ZFP14: variants seen among roughly 807,000 people sequenced by gnomAD.
ZFP14 encodes the protein ZFP14 zinc finger protein.
ZFP14 carries 22 observed loss-of-function variants against 54.5 expected under a neutral mutation model. The ratio of observed to expected loss-of-function variants is 0.40; its 90% CI spans 0.29 to 0.58. The LOEUF is 0.58. ZFP14 is among the 20% of genes least tolerant of loss of function. The pLI is 0.39. For synonymous variants in ZFP14, 159 were observed against 204.0 expected (o/e 0.78, Z 1.88); for missense variants, 470 against 637.8 (o/e 0.74, Z 2.83).
intron 4 of ZFP14, among the ~76,000 whole-genome samples, chr19:36,354,074 C>CAAAAAAAA (rs34807802): frequency 1.2e-5 from 1 of 85,830 alleles, no homozygotes. Flanking sequence ...GACCCTGTCT[C>CAAAAAAAA]AAAAAAAAAA....
Position 36,340,338 on chromosome 19 carries a change from A to T in ZFP14, c.1488T>A (p.Thr496=). 6.2e-7 allele frequency: 1 copy of T among 1,614,118 alleles called. No homozygotes were observed. The highest frequency in any genetic ancestry group is 8.5e-7 in the Non-Finnish European group (1 of 1,180,022). ...GKAFRLYSFL[T]QHQRIHTGEK... ...CACCAGTATGAATTCTCTGGTGTTG[A>T]GTAAGAAATGAATAAAGTCTAAAAG... is the stretch of plus-strand genomic sequence containing the variant. The change falls in exon 5 of 5, where the codon ACT becomes ACA. Residue 496 remains threonine, a synonymous_variant. Coordinates refer to ENST00000270001, the MANE Select transcript of ZFP14 (RefSeq NM_020917.3). The surrounding 1 kb of genome is among the most constrained non-coding windows in gnomAD (Gnocchi z 5.4).
At chr19:36,358,142 G>A (rs766535906) in intron 4 of ZFP14, among the ~76,000 whole-genome samples, 2 of 147,066 alleles carry the variant, frequency 1.4e-5, no homozygotes, top group Non-Finnish European at 3.0e-5. Flanking sequence ...ATGGAGTCTT[G>A]CTCTATCGTC....
At chr19:36,362,893 T>C in intron 2 of ZFP14, 1 of 256,776 alleles carries the variant, frequency 3.9e-6, no homozygotes, top group Non-Finnish European at 8.0e-6. Context: ...ACACTTTCTC[T>C]TTTATAACCA....
At position 36,367,885 on chromosome 19, in the gene ZFP14, T is replaced by C. The variant is rs767420598; in HGVS notation, c.8A>G (p.His3Arg). The change falls in exon 2 of 5, where the codon CAT (histidine) becomes CGT (arginine). Residue 3 changes from histidine (H) to arginine (R), a missense_variant and splice_region_variant. By Grantham distance (29) the His-to-Arg change is conservative. Transcript: ENST00000270001. MA[H>R]GSVTFRDVAI... ...AAGGACAGAGAAACATTAACTTACA[T>C]GGGCCATGGTTTTAGAACTGCAAAA... is the stretch of plus-strand genomic sequence containing the variant. 5.6e-6 allele frequency: 9 copies of C among 1,612,226 alleles called. No homozygotes were observed. The highest frequency in any genetic ancestry group is 2.2e-5 in the South Asian group (2 of 90,718).
At chr19:36,371,677 C>G (rs1172565360) in intron 1 of ZFP14, among the ~76,000 whole-genome samples, 3 of 152,002 alleles carry the variant, frequency 2.0e-5, no homozygotes, top group Non-Finnish European at 4.4e-5. Context: ...AAAGAAATAA[C>G]AGCAGGCACA....
chr19:36,375,101 T>C (rs2031939870), intron 1 of ZFP14, among the ~76,000 whole-genome samples: 1 of 152,216 alleles, frequency 6.6e-6, no homozygotes, highest in African/African-American at 2.4e-5. Context: ...TCCTTTCACA[T>C]CTTCCTGATA....
intron 1 of ZFP14, chr19:36,378,097 G>A (rs2031991709): frequency 6.6e-6 from 1 of 152,222 alleles, no homozygotes; most frequent in Non-Finnish European, 1.5e-5. Flanking sequence ...TAGAATGGAC[G>A]AGAGAGACGA....
At chr19:36,364,127 T>G (rs1380810021) in intron 2 of ZFP14, among the ~76,000 whole-genome samples, 1 of 152,244 alleles carries the variant, frequency 6.6e-6, no homozygotes, top group Admixed American at 6.5e-5. Context: ...AGGTATCTAT[T>G]TGCAGTCCTA....
Position 36,357,748 on chromosome 19 carries a change from G to GT in ZFP14, c.235+2686dup, listed in dbSNP as rs113818091. ...ATAAATCCTGAAGTTTTTGTTTTTT[G>GT]TTTTTTTTTTTGAGATAAGAGTCTC... On this transcript the variant is annotated intron_variant, in intron 4 of 4. Coordinates refer to ENST00000270001, the MANE Select transcript of ZFP14 (RefSeq NM_020917.3). Among the ~76,000 whole-genome samples the GT allele has an allele frequency of 3.2e-3, 458 of 142,220 alleles. 7 individuals are homozygous for GT. The East Asian group carries it at 0.05, about 16-fold the overall frequency. 93.3% of individuals were successfully genotyped at this position (142,220 alleles called of 152,430 possible).
At chr19:36,352,915 C>T (rs193057745) in intron 4 of ZFP14, among the ~76,000 whole-genome samples, 1,860 of 128,460 alleles carry the variant, frequency 0.014, 235 homozygotes, top group Non-Finnish European at 0.024. Flanking sequence ...CACTCCAGCC[C>T]GGGCGACAGA....
chr19:36,376,438 T>C (rs2031963250), intron 1 of ZFP14, among the ~76,000 whole-genome samples: 1 of 151,594 alleles, frequency 6.6e-6, no homozygotes, highest in African/African-American at 2.4e-5. Context: ...CCCAGCTACT[T>C]GGGAGGCTGA....
intron 4 of ZFP14, among the ~76,000 whole-genome samples, chr19:36,342,686 A>G (rs999340320): frequency 1.3e-5 from 2 of 152,194 alleles, no homozygotes; most frequent in African/African-American, 4.8e-5. Context: ...GGTGGGAGTA[A>G]GGTAAAGTGC....
chr19:36,364,994 C>CTTTTTTTTTTTTTTTTTTTTTT (rs398034482), intron 2 of ZFP14, among the ~76,000 whole-genome samples: 2 of 61,972 alleles, frequency 3.2e-5, no homozygotes, highest in Non-Finnish European at 5.8e-5. Flanking sequence ...TTTTCTTTTT[C>CTTTTTTTTTTTTTTTTTTTTTT]TTTTTTTTTT....
At chr19:36,358,049 T>G (rs111359773) in intron 4 of ZFP14, among the ~76,000 whole-genome samples, 1,974 of 117,920 alleles carry the variant, frequency 0.017, 37 homozygotes, top group East Asian at 0.06. Context: ...GGCTCTGATC[T>G]ATCTATCTAT....
intron 4 of ZFP14, among the ~76,000 whole-genome samples, chr19:36,346,857 A>G (rs1030367169): frequency 2.0e-5 from 3 of 152,222 alleles, no homozygotes; most frequent in Non-Finnish European, 2.9e-5. Flanking sequence ...ACAGCCTTGC[A>G]AGGTAGAGAT....
chr19:36,375,533 G>A (rs998242097), intron 1 of ZFP14, among the ~76,000 whole-genome samples: 8 of 150,630 alleles, frequency 5.3e-5, no homozygotes, highest in South Asian at 2.1e-4. Context: ...GATTACAGGC[G>A]CATGCCACCA....
rs551962094 is a variant in ZFP14 at position 36,360,671 on chromosome 19, G to A, written c.137-138C>T. 657 of 693,728 alleles carry A rather than the reference G, an allele frequency of 9.5e-4. 1 individual carries two copies. Among genetic ancestry groups the A allele is most frequent in the Middle Eastern group, 3.1e-3 (7 of 2,288 alleles). 43.0% of individuals were successfully genotyped at this position (693,728 alleles called of 1,614,324 possible). On this transcript the variant is annotated intron_variant, in intron 3 of 4. Transcript: ENST00000270001. ...AGCGAAGAATTGCAAGGGAGTTGAAGAATGCTCATATTAAGGTAACTTGAG... is the reference window on the plus strand; with the variant it reads ...AGCGAAGAATTGCAAGGGAGTTGAAAAATGCTCATATTAAGGTAACTTGAG...
intron 4 of ZFP14, among the ~76,000 whole-genome samples, chr19:36,346,880 T>C (rs2031426006): frequency 6.6e-6 from 1 of 152,252 alleles, no homozygotes; most frequent in East Asian, 1.9e-4. Context: ...CGTCTCTGTC[T>C]GGATCAATAG....
In ZFP14 at chr19:36,340,565, C is replaced by G. The variant is rs747819455; in HGVS notation, c.1261G>C (p.Glu421Gln). The G allele has an allele frequency of 6.2e-6, 10 of 1,614,042 alleles. No individual in the cohort carries two copies. In the Admixed American group the frequency reaches 6.7e-5, roughly 11 times the overall value. Residue 421 changes from glutamate to glutamine, a missense_variant, in exon 5 of 5, where the codon GAG becomes CAG. Physicochemically the swap from Glu to Gln is conservative, Grantham distance 29. Transcript: ENST00000270001. The surrounding 1 kb of genome is among the most constrained non-coding windows in gnomAD (Gnocchi z 5.4). ...CACTCTTCACATTCATAGGGTCTCTCACCAATATGAATGCTCTGGTGTGAA... is the reference window on the plus strand; with the variant it reads ...CACTCTTCACATTCATAGGGTCTCTGACCAATATGAATGCTCTGGTGTGAA... ...LISHQSIHIGERPYECEECGK... is the reference protein window; with the variant it reads ...LISHQSIHIGQRPYECEECGK...
Sources: gnomAD v4.1 joint callset for allele counts (sites outside exome capture counted in the v4.1 genomes callset) on GRCh38, gnomAD v4.1.1 for gene constraint, Gnocchi (gnomAD v3.1) non-coding constraint, MANE v1.5 for transcripts, NCBI Gene and HGNC (gene_info 2026-07-23, HGNC 2026-07-21) for gene names.